Variants in SLAIN2 observed in about 807,000 individuals in gnomAD.
SLAIN2 encodes SLAIN family member 2, also known as SLAIN motif-containing protein 2.
SLAIN2 carries 31 observed loss-of-function variants against 56.6 expected under a neutral mutation model. The observed-to-expected ratio is 0.55, with a 90% CI of 0.41 to 0.74. The LOEUF is 0.74. SLAIN2 is among the 30% of genes least tolerant of loss of function. SLAIN2 has a pLI of 0.00. For missense variants in SLAIN2, 777 were observed against 754.2 expected, an observed-to-expected ratio of 1.03 and a Z score of -0.35; for synonymous variants, 317 against 284.9, an observed-to-expected ratio of 1.11 and a Z score of -1.13.
chr4:48,410,687 A>G (rs1410989737), intron 6 of SLAIN2, among the ~76,000 whole-genome samples: 7 of 152,160 alleles, frequency 4.6e-5, no homozygotes, highest in African/African-American at 7.2e-5. Context: ...CACCAGGACC[A>G]TGCTCTTCTA....
At chr4:48,357,974 C>G (rs1470684098) in intron 1 of SLAIN2, among the ~76,000 whole-genome samples, 2 of 152,214 alleles carry the variant, frequency 1.3e-5, no homozygotes, top group Non-Finnish European at 2.9e-5. Flanking sequence ...ATTGGAATTA[C>G]AGGTGTGAGC....
At chr4:48,389,095 C>T (rs1278042013) in intron 6 of SLAIN2, among the ~76,000 whole-genome samples, 4 of 152,024 alleles carry the variant, frequency 2.6e-5, no homozygotes, top group South Asian at 2.1e-4. Flanking sequence ...TTTTGAAACA[C>T]AAATTGAAAT....
intron 1 of SLAIN2, among the ~76,000 whole-genome samples, chr4:48,342,711 C>CTTTTGTTTTTT (rs1714751299): frequency 1.5e-5 from 1 of 65,938 alleles, no homozygotes. Flanking sequence ...GATGGTGCTG[C>CTTTTGTTTTTT]TTTTTTTTTT....
rs140736072 is a variant in SLAIN2 at position 48,380,775 on chromosome 4, C to G, written c.862+927C>G. On this transcript the variant is annotated intron_variant, in intron 4 of 7. Coordinates refer to ENST00000264313, the MANE Select transcript of SLAIN2 (RefSeq NM_020846.2). ...TATGTTGACAAGTCTTGACAGGTGG[C>G]TGAGGTTAATGGAGCATTGCTACGG... Among the ~76,000 whole-genome samples the G allele has an allele frequency of 1.6e-3, 250 of 152,202 alleles. 2 individuals carry two copies. Among genetic ancestry groups the G allele is most frequent in the African/African-American group, 5.3e-3 (222 of 41,534 alleles).
chr4:48,368,397 G>T (rs1049468988), intron 1 of SLAIN2, among the ~76,000 whole-genome samples: 2 of 152,158 alleles, frequency 1.3e-5, no homozygotes, highest in Admixed American at 6.5e-5. Context: ...TTCATAGCCA[G>T]CAGTAGGGTA....
At chr4:48,358,971 T>C (rs907685887) in intron 1 of SLAIN2, among the ~76,000 whole-genome samples, 16 of 152,196 alleles carry the variant, frequency 1.1e-4, no homozygotes, top group African/African-American at 3.6e-4. Context: ...TCCGCCTGCC[T>C]CAGCCTCCCA....
intron 1 of SLAIN2, among the ~76,000 whole-genome samples, chr4:48,342,711 CTTTTTTT>C (rs761272695): frequency 9.9e-4 from 65 of 65,946 alleles, no homozygotes; most frequent in African/African-American, 3.8e-3. Context: ...GATGGTGCTG[CTTTTTTT>C]TTTTTTTTTT....
chr4:48,395,810 C>CTTTTTT (rs10649464), intron 6 of SLAIN2, among the ~76,000 whole-genome samples: 14,556 of 71,900 alleles, frequency 0.2, 1,951 homozygotes, highest in South Asian at 0.34. Flanking sequence ...GAACCTTAGG[C>CTTTTTT]TTTTTTTTTT....
At chr4:48,377,755 A>G (rs1369188020) in intron 2 of SLAIN2, 141 bp from the exon 3 acceptor site, 1 of 795,848 alleles carries the variant, frequency 1.3e-6, no homozygotes, top group Admixed American at 2.9e-5. Flanking sequence ...GGATTATTAT[A>G]TTTTTTCCCC....
At chr4:48,354,060 T>A (rs1715086705) in intron 1 of SLAIN2, among the ~76,000 whole-genome samples, 1 of 152,030 alleles carries the variant, frequency 6.6e-6, no homozygotes, top group Admixed American at 6.6e-5. Flanking sequence ...GGAGAAAGAT[T>A]AGAACTATCA....
rs1317366224 is a variant in SLAIN2 at position 48,341,981 on chromosome 4, C to G, written c.242C>G (p.Ser81Trp). 4 of 1,431,284 alleles carry G rather than the reference C, an allele frequency of 2.8e-6. No homozygotes were observed. Among genetic ancestry groups the G allele is most frequent in the Non-Finnish European group, 3.6e-6 (4 of 1,098,856 alleles). 88.7% of individuals were successfully genotyped at this position (1,431,284 alleles called of 1,614,324 possible). A position where few individuals can be genotyped will look rare whatever the true frequency, so the allele number is the denominator to read the frequency against. The change falls in exon 1 of 8, where the codon TCG (serine) becomes TGG (tryptophan). Residue 81 changes from serine to tryptophan, a missense_variant. Physicochemically the swap from Ser to Trp is radical, Grantham distance 177. Coordinates refer to ENST00000264313, the MANE Select transcript of SLAIN2 (RefSeq NM_020846.2). Reference sequence around the variant, plus strand: ...GCCAAGTCGGGCGGCGGGCCCGGGTCGGGCCCGAGGCGGACGAGTAGCGAA... The same window carrying G: ...GCCAAGTCGGGCGGCGGGCCCGGGTGGGGCCCGAGGCGGACGAGTAGCGAA... ...LSAKSGGGPG[S>W]GPRRTSSEEL...
chr4:48,367,816 C>T (rs765760868), intron 1 of SLAIN2, among the ~76,000 whole-genome samples: 2 of 151,976 alleles, frequency 1.3e-5, no homozygotes, highest in East Asian at 1.9e-4. Flanking sequence ...CCATAAAAGT[C>T]GTTATATGTT....
At chr4:48,367,798 T>C (rs557846707) in intron 1 of SLAIN2, among the ~76,000 whole-genome samples, 2 of 152,206 alleles carry the variant, frequency 1.3e-5, no homozygotes, top group Non-Finnish European at 2.9e-5. Flanking sequence ...TAGCTTATAA[T>C]CAACATACCA....
In SLAIN2 at chr4:48,369,850, C is replaced by T. The variant is rs1168593727; in HGVS notation, c.391C>T (p.Leu131=). ...CTGTTTTTTGTTGTCTTCTTCTAGG[C>T]TGTATTCATCACCAAAGAAAAAACT... is the stretch of plus-strand genomic sequence containing the variant. The part of the protein sequence containing the change: ...SGWEEEEESW[L]YSSPKKKLTP... Residue 131 remains leucine, a splice_region_variant and synonymous_variant, in exon 2 of 8, where the codon CTG becomes TTG. Transcript: ENST00000264313. The T allele has an allele frequency of 2.5e-6, 4 of 1,612,208 alleles. No individual in the cohort carries two copies. Among genetic ancestry groups the T allele is most frequent in the Non-Finnish European group, 3.4e-6 (4 of 1,179,242 alleles).
In SLAIN2 at chr4:48,382,708, G is replaced by C; in HGVS notation, c.1003G>C (p.Val335Leu). The C allele has an allele frequency of 1.2e-6, 2 of 1,613,754 alleles. No homozygotes were observed. The highest frequency in any genetic ancestry group is 1.7e-6 in the Non-Finnish European group (2 of 1,179,852). Reference sequence around the variant, plus strand: ...TGAAGATGACAATATGCATCATGCAGTATACCCTGCTGTTAACAGGTTTTC... The same window carrying C: ...TGAAGATGACAATATGCATCATGCACTATACCCTGCTGTTAACAGGTTTTC... Reference protein sequence around the residue: ...DDEDDNMHHAVYPAVNRFSPS... With the variant: ...DDEDDNMHHALYPAVNRFSPS... Residue 335 changes from valine (V) to leucine (L), a missense_variant, in exon 5 of 8, where the codon GTA becomes CTA. Val to Leu is a conservative substitution (Grantham distance 32). Transcript: ENST00000264313.
In SLAIN2 at chr4:48,357,572, G is replaced by A. The variant is rs1366644492; in HGVS notation, c.390-12277G>A. Among the ~76,000 whole-genome samples, 4 of 151,326 alleles carry A rather than the reference G, an allele frequency of 2.6e-5. No individual in the cohort carries two copies. The East Asian group carries it at 7.8e-4, about 29-fold the overall frequency. On this transcript the variant is annotated intron_variant, in intron 1 of 7. Coordinates refer to ENST00000264313, the MANE Select transcript of SLAIN2 (RefSeq NM_020846.2). ...GACTTTTATTTTTTTCCCCCAAGAT[G>A]GAGTTTTGCGCTTGTTGCCCAGGCT...
At chr4:48,371,854 G>A (rs1423778256) in intron 2 of SLAIN2, among the ~76,000 whole-genome samples, 2 of 151,930 alleles carry the variant, frequency 1.3e-5, no homozygotes, top group Non-Finnish European at 2.9e-5. Flanking sequence ...TGGGGCAGGA[G>A]GATCCCTTGA....
chr4:48,386,120 A>T (rs1716093820), intron 6 of SLAIN2, among the ~76,000 whole-genome samples: 1 of 151,698 alleles, frequency 6.6e-6, no homozygotes. Context: ...GCTACGAAAA[A>T]ACTATATTTG....
chr4:48,384,746 G>A (rs1716059431), intron 6 of SLAIN2, among the ~76,000 whole-genome samples: 2 of 151,968 alleles, frequency 1.3e-5, no homozygotes, highest in African/African-American at 4.8e-5. Context: ...TTATTTTGTG[G>A]CAAGTAGTAT....
Sources: allele counts gnomAD v4.1 joint callset (sites outside exome capture counted in the v4.1 genomes callset), GRCh38; gene constraint gnomAD v4.1.1; transcripts MANE v1.5; gene names NCBI Gene and HGNC (gene_info 2026-07-23, HGNC 2026-07-21).